Variants in ZNF469 observed in about 807,000 individuals in gnomAD.
The protein encoded by ZNF469 is zinc finger protein 469.
A neutral mutation model predicts 1.0 loss-of-function variants in ZNF469; 1 was observed. The observed-to-expected ratio is 1.00, with a 90% CI of 0.35 to 4.73. The LOEUF is 4.73. ZNF469 is among the 30% of genes most tolerant of loss of function. The pLI is 0.16. For missense variants in ZNF469, 6,100 were observed against 5,356.3 expected, an observed-to-expected ratio of 1.14 and a Z score of -4.33; for synonymous variants, 2,703 against 2,363.4, an observed-to-expected ratio of 1.14 and a Z score of -4.17.
chr16:88,404,007 C>CA (rs1463119221), intron 1 of ZNF469, among the ~76,000 whole-genome samples: 4 of 152,274 alleles, frequency 2.6e-5, no homozygotes, highest in Admixed American at 2.0e-4. Flanking sequence ...AGTGCAAACA[C>CA]AGCCTCTGTG....
chr16:88,164,754 G>C, the ZNF469 span, among the ~76,000 whole-genome samples: 1 of 152,140 alleles, frequency 6.6e-6, no homozygotes, highest in Non-Finnish European at 1.5e-5. Context: ...TCAGAATAAA[G>C]CCCTTAAATC....
rs954613150 is a variant in ZNF469 at position 88,436,979 on chromosome 16, G to C, written c.9509G>C (p.Ser3170Thr). ...RGHLQERHAQSKAGPWACGMC... is the reference protein window; with the variant it reads ...RGHLQERHAQTKAGPWACGMC... ...CACCTGCAGGAGAGGCACGCGCAGA[G>C]CAAGGCCGGGCCCTGGGCGTGCGGC... is the stretch of plus-strand genomic sequence containing the variant. Residue 3170 changes from serine (S) to threonine (T), a missense_variant, in exon 3 of 3, where the codon AGC becomes ACC. Coordinates refer to ENST00000565624, the MANE Select transcript of ZNF469 (RefSeq NM_001367624.2). 11 of 1,513,150 alleles carry C rather than the reference G, an allele frequency of 7.3e-6. No individual in the cohort carries two copies. In the African/African-American group the frequency reaches 1.4e-4, roughly 19 times the overall value. 93.7% of individuals were successfully genotyped at this position (1,513,150 alleles called of 1,614,324 possible). A position where few individuals can be genotyped will look rare whatever the true frequency, so the allele number is the denominator to read the frequency against.
At chr16:88,125,682 G>A in the ZNF469 span, among the ~76,000 whole-genome samples, 1 of 152,190 alleles carries the variant, frequency 6.6e-6, no homozygotes, top group Non-Finnish European at 1.5e-5. Context: ...TATATGATCT[G>A]AAGAGAAATC....
the ZNF469 span, among the ~76,000 whole-genome samples, chr16:88,357,789 G>T: frequency 6.6e-6 from 1 of 152,240 alleles, no homozygotes; most frequent in African/African-American, 2.4e-5. Flanking sequence ...TGCAGCATGC[G>T]CTCACTGCCT....
chr16:88,264,788 A>G, the ZNF469 span, among the ~76,000 whole-genome samples: 3 of 147,402 alleles, frequency 2.0e-5, no homozygotes, highest in African/African-American at 7.4e-5. Context: ...GCGCAACCCT[A>G]GGCTGCCTGG....
At chr16:88,127,863 AC>A in the ZNF469 span, among the ~76,000 whole-genome samples, 1 of 152,168 alleles carries the variant, frequency 6.6e-6, no homozygotes, top group Non-Finnish European at 1.5e-5. Flanking sequence ...CTGTCTCCTC[AC>A]CTCAGTTAAG....
the ZNF469 span, among the ~76,000 whole-genome samples, chr16:88,366,500 TCAC>T: frequency 8.4e-6 from 1 of 119,602 alleles, no homozygotes; most frequent in East Asian, 2.0e-4. Flanking sequence ...ACCACCACCA[TCAC>T]CATCACTATC....
At chr16:88,386,716 A>C (rs1035828094) in intron 1 of ZNF469, among the ~76,000 whole-genome samples, 2 of 152,204 alleles carry the variant, frequency 1.3e-5, no homozygotes, top group Non-Finnish European at 2.9e-5. Context: ...AGTGGCTTTA[A>C]GGTCCCAGGC....
At chr16:88,351,547 C>A in the ZNF469 span, among the ~76,000 whole-genome samples, 1 of 152,186 alleles carries the variant, frequency 6.6e-6, no homozygotes, top group African/African-American at 2.4e-5. Flanking sequence ...ATCCCAGGCT[C>A]CCCAGGCGGC....
chr16:88,111,818 G>A, the ZNF469 span, among the ~76,000 whole-genome samples: 36 of 152,242 alleles, frequency 2.4e-4, no homozygotes, highest in African/African-American at 8.7e-4. Flanking sequence ...TGTATTTTTA[G>A]TAGAGATGGG....
the ZNF469 span, among the ~76,000 whole-genome samples, chr16:88,361,986 A>G: frequency 6.6e-6 from 1 of 152,102 alleles, no homozygotes; most frequent in African/African-American, 2.4e-5. Context: ...CTGTTCCTGA[A>G]TTGTCAGTTC....
chr16:88,107,224 T>A, the ZNF469 span, among the ~76,000 whole-genome samples: 1 of 152,186 alleles, frequency 6.6e-6, no homozygotes, highest in South Asian at 2.1e-4. Flanking sequence ...CACACTGCTA[T>A]AAAGAACTGC....
the ZNF469 span, among the ~76,000 whole-genome samples, chr16:88,229,922 C>T: frequency 2.6e-5 from 4 of 152,140 alleles, no homozygotes; most frequent in Non-Finnish European, 5.9e-5. Context: ...GTGGCTCTCC[C>T]GGGGGCGCGC....
intron 1 of ZNF469, among the ~76,000 whole-genome samples, chr16:88,389,124 G>A (rs1449704908): frequency 1.3e-5 from 2 of 152,216 alleles, no homozygotes; most frequent in African/African-American, 2.4e-5. Context: ...GTTCTAGAAC[G>A]TTTTTATCAC....
At chr16:88,283,703 AC>A in the ZNF469 span, among the ~76,000 whole-genome samples, 1 of 152,236 alleles carries the variant, frequency 6.6e-6, no homozygotes, top group African/African-American at 2.4e-5. Context: ...AGGGCTGGCC[AC>A]TTTCCGGATG....
the ZNF469 span, among the ~76,000 whole-genome samples, chr16:88,243,772 T>C: frequency 6.7e-6 from 1 of 149,698 alleles, no homozygotes; most frequent in Admixed American, 6.6e-5. Flanking sequence ...GATGGATGGA[T>C]GCAAGGATGG....
the ZNF469 span, among the ~76,000 whole-genome samples, chr16:88,374,712 A>G: frequency 1.2e-4 from 13 of 112,092 alleles, no homozygotes; most frequent in South Asian, 2.3e-4. Context: ...GGCTGAGCTC[A>G]GCACCATGTG....
the ZNF469 span, among the ~76,000 whole-genome samples, chr16:88,260,270 C>T: frequency 3.3e-5 from 5 of 152,202 alleles, no homozygotes; most frequent in Admixed American, 2.6e-4. This position sits in a 1 kb window ranked among gnomAD's most constrained non-coding sequence, Gnocchi z 4.1. Flanking sequence ...TTGACAGGCG[C>T]GAGCCACCGT....
the ZNF469 span, among the ~76,000 whole-genome samples, chr16:88,288,869 C>G: frequency 2.0e-5 from 3 of 151,972 alleles, no homozygotes; most frequent in African/African-American, 4.8e-5. Flanking sequence ...AGAGAGAGCA[C>G]TTGTAACAGA....
Sources: allele counts gnomAD v4.1 joint callset (sites outside exome capture counted in the v4.1 genomes callset), GRCh38; gene constraint gnomAD v4.1.1; non-coding constraint Gnocchi (gnomAD v3.1); transcripts MANE v1.5; gene names NCBI Gene and HGNC (gene_info 2026-07-23, HGNC 2026-07-21).